Variants in MYLK4 observed in about 807,000 individuals in gnomAD.
The protein encoded by MYLK4 is myosin light chain kinase family member 4.
In MYLK4, 46 loss-of-function variants were observed where a neutral mutation model predicts 48.1. The observed-to-expected ratio is 0.96, with a 90% CI of 0.75 to 1.22. MYLK4 has a LOEUF of 1.22. MYLK4 is among the 50% of genes most tolerant of loss of function. MYLK4 has a pLI of 0.00. For missense variants in MYLK4, 451 were observed against 486.1 expected, an observed-to-expected ratio of 0.93 and a Z score of 0.68; for synonymous variants, 170 against 180.8, an observed-to-expected ratio of 0.94 and a Z score of 0.48.
intron 2 of MYLK4, among the ~76,000 whole-genome samples, chr6:2,720,265 G>C (rs1006359327): frequency 2.6e-5 from 4 of 152,026 alleles, no homozygotes; most frequent in African/African-American, 9.7e-5. Context: ...TTAGCCGGGC[G>C]TGATGGCTGG....
chr6:2,765,566 C>T, the MYLK4 span: 4 of 1,400,716 alleles, frequency 2.9e-6, no homozygotes, highest in Middle Eastern at 2.6e-4. Context: ...TCGAAGGCCT[C>T]CGCGTGCGCA....
the MYLK4 span, among the ~76,000 whole-genome samples, chr6:2,762,258 T>C: frequency 2.6e-5 from 4 of 152,200 alleles, no homozygotes; most frequent in African/African-American, 7.2e-5. Flanking sequence ...ACAATACTTT[T>C]GAAAACCCTA....
At chr6:2,766,071 G>T in the MYLK4 span, 41 of 1,296,316 alleles carry the variant, frequency 3.2e-5, no homozygotes, top group Admixed American at 1.4e-3. Context: ...GCCGCGGCGG[G>T]GAGCGCGTCT....
chr6:2,720,186 C>T (rs1042974147), intron 2 of MYLK4, among the ~76,000 whole-genome samples: 4 of 151,820 alleles, frequency 2.6e-5, no homozygotes, highest in African/African-American at 9.7e-5. Context: ...GGGTAGATCA[C>T]GAGGTCAGGA....
In MYLK4 at chr6:2,678,301, C is replaced by T. The variant is rs1361341218; in HGVS notation, c.959G>A (p.Trp320Ter). ...CTGAAATTCTTCATCCTCTAAGTCC[C>T]ACCTGCAGGCCAGGATGTTGTTCAG... is the stretch of plus-strand genomic sequence containing the variant. ...ETLNNILACR[W>*]DLEDEEFQDI... The change falls in exon 10 of 13, where the codon TGG (tryptophan) becomes TAG (stop). Residue 320 changes from tryptophan to a stop codon, truncating the protein, a stop_gained. Transcript: ENST00000274643. LOFTEE classifies it high-confidence loss of function. 2 of 1,614,020 alleles carry T rather than the reference C, an allele frequency of 1.2e-6. No individual in the cohort carries two copies. The highest frequency in any genetic ancestry group is 2.7e-5 in the African/African-American group (2 of 74,896).
intron 2 of MYLK4, among the ~76,000 whole-genome samples, chr6:2,737,573 T>C (rs1763723612): frequency 6.6e-6 from 1 of 152,174 alleles, no homozygotes; most frequent in Admixed American, 6.5e-5. Flanking sequence ...AGATGTAAGA[T>C]ACATTTCAAG....
chr6:2,768,033 A>T, the MYLK4 span, among the ~76,000 whole-genome samples: 1 of 152,174 alleles, frequency 6.6e-6, no homozygotes, highest in South Asian at 2.1e-4. Flanking sequence ...AACAACATTC[A>T]TATTAATAAC....
chr6:2,760,658 TATGA>T, the MYLK4 span, among the ~76,000 whole-genome samples: 1 of 152,126 alleles, frequency 6.6e-6, no homozygotes, highest in East Asian at 1.9e-4. Flanking sequence ...CTTTTTATAC[TATGA>T]ATATCAATGG....
chr6:2,680,113 T>C (rs1761233611), intron 8 of MYLK4, 108 bp downstream of exon 8: 7 of 1,269,606 alleles, frequency 5.5e-6, no homozygotes, highest in Non-Finnish European at 7.5e-6. Context: ...AAATTAATTA[T>C]AAATGAGATC....
At chr6:2,690,013 TAAA>T (rs1761712139) in intron 3 of MYLK4, among the ~76,000 whole-genome samples, 1 of 152,136 alleles carries the variant, frequency 6.6e-6, no homozygotes, top group African/African-American at 2.4e-5. Flanking sequence ...TAGAGGGAGT[TAAA>T]TACACAAGCG....
intron 2 of MYLK4, among the ~76,000 whole-genome samples, chr6:2,707,027 C>A (rs1037480869): frequency 1.3e-5 from 2 of 152,188 alleles, no homozygotes; most frequent in Non-Finnish European, 2.9e-5. Flanking sequence ...TTGTGAACGT[C>A]CACTTGCACA....
At chr6:2,717,846 G>A (rs991431161) in intron 2 of MYLK4, among the ~76,000 whole-genome samples, 2 of 152,098 alleles carry the variant, frequency 1.3e-5, no homozygotes, top group Non-Finnish European at 2.9e-5. Flanking sequence ...AGCATTCCAG[G>A]ATGTCGGCTT....
chr6:2,749,131 A>C lies in MYLK4; in HGVS notation c.159+5T>G. ...TTTTAGGAGACTAAATTAGAACATG[A>C]TTACCTCATTATGTCCAGATCTTGA... On this transcript the variant is annotated splice_donor_5th_base_variant and intron_variant, in intron 2 of 12. Coordinates refer to ENST00000274643, the MANE Select transcript of MYLK4 (RefSeq NM_001012418.5). The C allele has an allele frequency of 6.2e-7, 1 of 1,611,196 alleles. No homozygotes were observed. Among genetic ancestry groups the C allele is most frequent in the Non-Finnish European group, 8.5e-7 (1 of 1,178,446 alleles).
chr6:2,766,955 G>A, the MYLK4 span, among the ~76,000 whole-genome samples: 2 of 152,106 alleles, frequency 1.3e-5, no homozygotes, highest in Non-Finnish European at 2.9e-5. Context: ...TTAAGAATAA[G>A]TTTATTTAAC....
At chr6:2,705,619 C>A (rs1488874430) in intron 2 of MYLK4, among the ~76,000 whole-genome samples, 2 of 152,070 alleles carry the variant, frequency 1.3e-5, no homozygotes, top group Non-Finnish European at 2.9e-5. Flanking sequence ...AAAACAAATC[C>A]AAAAAGCAGC....
chr6:2,718,930 G>A (rs1040905707), intron 2 of MYLK4, among the ~76,000 whole-genome samples: 8 of 152,190 alleles, frequency 5.3e-5, no homozygotes, highest in Non-Finnish European at 1.0e-4. Flanking sequence ...CTTTAGATAT[G>A]GCTAGAAGTC....
intron 3 of MYLK4, among the ~76,000 whole-genome samples, chr6:2,690,289 GCCTTTTGCTGT>G (rs150775082): frequency 0.021 from 3,251 of 152,144 alleles, 103 homozygotes; most frequent in African/African-American, 0.075. Context: ...TCTACTCTGC[GCCTTTTGCTGT>G]CCTCGTTGAC....
chr6:2,701,230 A>G (rs891846337), intron 2 of MYLK4, among the ~76,000 whole-genome samples: 1 of 151,588 alleles, frequency 6.6e-6, no homozygotes, highest in African/African-American at 2.4e-5. Context: ...AAGAGCCTTC[A>G]TTTCACATGG....
chr6:2,769,001 G>A, the MYLK4 span: 1 of 989,086 alleles, frequency 1.0e-6, no homozygotes, highest in Non-Finnish European at 1.4e-6. Context: ...GCGTAGGCTT[G>A]TGAACCCATC....
Sources: gnomAD v4.1 joint callset for allele counts (sites outside exome capture counted in the v4.1 genomes callset) on GRCh38, gnomAD v4.1.1 for gene constraint, MANE v1.5 for transcripts, NCBI Gene and HGNC (gene_info 2026-07-23, HGNC 2026-07-21) for gene names.